The following SNX30 variants were observed in gnomAD, a reference collection of about 807,000 sequenced individuals.
SNX30 encodes sorting nexin-30.
SNX30 carries 24 observed loss-of-function variants against 46.4 expected under a neutral mutation model. The ratio of observed to expected loss-of-function variants is 0.52; its 90% CI spans 0.37 to 0.73. The LOEUF (loss-of-function observed/expected upper bound fraction) is 0.73. Ranked by LOEUF, SNX30 falls within the 30% of genes least tolerant of loss-of-function variation. The pLI, the probability that SNX30 is intolerant of heterozygous loss-of-function variation, is 0.00. For synonymous variants in SNX30, 189 were observed against 211.5 expected (o/e 0.89, Z 0.92); for missense variants, 533 against 555.7 (o/e 0.96, Z 0.41).
At chr9:112,835,649 G>A (rs539801360) in intron 4 of SNX30, among the ~76,000 whole-genome samples, 3 of 152,180 alleles carry the variant, frequency 2.0e-5, no homozygotes, top group Non-Finnish European at 4.4e-5. Flanking sequence ...GATACAATGG[G>A]TTATGAAACT....
At chr9:112,830,560 A>G (rs180688750) in intron 3 of SNX30, among the ~76,000 whole-genome samples, 165 bp from the exon 4 acceptor site, 5 of 152,188 alleles carry the variant, frequency 3.3e-5, no homozygotes, top group Non-Finnish European at 4.4e-5. Context: ...TATTTACTCC[A>G]TGTGTATTTT....
chr9:112,882,123 T>C (rs1645931439), downstream of SNX30, among the ~76,000 whole-genome samples: 2 of 152,168 alleles, frequency 1.3e-5, no homozygotes, highest in Admixed American at 1.3e-4. Context: ...TGTTTCTTTT[T>C]TGAGACAGAG....
rs200753511 is a variant in SNX30, at chr9:112,804,870, T to C, written c.251T>C (p.Ile84Thr). The part of the protein sequence containing the change: ...LLNRLQLDDD[I>T]DGETRDLFVI... Reference sequence around the variant, plus strand: ...AACAGACTTCAGCTTGATGATGATATTGATGGTGAGACTAGAGATCTCTTC... The same window carrying C: ...AACAGACTTCAGCTTGATGATGATACTGATGGTGAGACTAGAGATCTCTTC... Residue 84 changes from isoleucine to threonine, a missense_variant, in exon 2 of 9, where the codon ATT (isoleucine) becomes ACT (threonine). Ile to Thr is a moderately conservative substitution (Grantham distance 89, BLOSUM62 -1). Coordinates refer to ENST00000374232, the MANE Select transcript of SNX30 (RefSeq NM_001012994.2). 1.2e-6 allele frequency: 2 copies of C among 1,614,056 alleles called. No homozygotes were observed. The highest frequency in any genetic ancestry group is 1.3e-5 in the African/African-American group (1 of 75,040).
At chr9:112,876,734 C>G (rs1244874649), downstream of SNX30, among the ~76,000 whole-genome samples, 3 of 151,260 alleles carry the variant, frequency 2.0e-5, no homozygotes, top group Non-Finnish European at 4.4e-5. Context: ...GCCAGGAGTT[C>G]GAGACCGGCC....
At chr9:112,781,888 C>T (rs909016554) in intron 1 of SNX30, among the ~76,000 whole-genome samples, 3 of 151,670 alleles carry the variant, frequency 2.0e-5, no homozygotes, top group African/African-American at 7.3e-5. Context: ...GTGATCCACC[C>T]GCCTTATCCT....
chr9:112,790,138 T>C (rs1839996650), intron 1 of SNX30, among the ~76,000 whole-genome samples: 1 of 152,154 alleles, frequency 6.6e-6, no homozygotes, highest in Non-Finnish European at 1.5e-5. Context: ...AACTTCCTAC[T>C]AATAAGCAAG....
rs768631008 is a variant in SNX30, at chr9:112,804,767, T to C, written c.157-9T>C. ...CATTTAATTTTAAGGTGCTCTTTTCTTCTTTTAGGATCTCATTTTGCCCAA... is the reference window on the plus strand; with the variant it reads ...CATTTAATTTTAAGGTGCTCTTTTCCTCTTTTAGGATCTCATTTTGCCCAA... On this transcript the variant is annotated splice_polypyrimidine_tract_variant and intron_variant, in intron 1 of 8. Coordinates refer to ENST00000374232, the MANE Select transcript of SNX30 (RefSeq NM_001012994.2). The C allele has an allele frequency of 3.8e-6, 6 of 1,593,880 alleles. No individual in the cohort carries two copies.
At chr9:112,762,239 T>TC (rs554108395) in intron 1 of SNX30, among the ~76,000 whole-genome samples, 1 of 149,724 alleles carries the variant, frequency 6.7e-6, no homozygotes, top group Admixed American at 6.7e-5. Context: ...TGTGTGTTGG[T>TC]GGGGGGGAAG....
At chr9:112,842,856 C>T (rs1160129084) in intron 6 of SNX30, among the ~76,000 whole-genome samples, 1 of 152,196 alleles carries the variant, frequency 6.6e-6, no homozygotes, top group Non-Finnish European at 1.5e-5. Flanking sequence ...ATGAGAACAG[C>T]TTGTACTAGA....
At chr9:112,760,784 G>A (rs1839422087) in intron 1 of SNX30, among the ~76,000 whole-genome samples, 1 of 152,152 alleles carries the variant, frequency 6.6e-6, no homozygotes, top group African/African-American at 2.4e-5. Flanking sequence ...TGAAAATTGG[G>A]TTTTACCTGA....
chr9:112,839,091 G>T (rs1413656026), intron 6 of SNX30, among the ~76,000 whole-genome samples: 2 of 152,128 alleles, frequency 1.3e-5, no homozygotes, highest in Admixed American at 6.5e-5. Flanking sequence ...AACAAAAGTT[G>T]CTGGAAAATA....
chr9:112,845,738 G>C (rs988196942), intron 6 of SNX30, among the ~76,000 whole-genome samples: 35 of 152,196 alleles, frequency 2.3e-4, no homozygotes, highest in Non-Finnish European at 5.0e-4. Context: ...AACCAGGGTG[G>C]TCCCTCAATG....
At chr9:112,843,771 C>T (rs1432508229) in intron 6 of SNX30, among the ~76,000 whole-genome samples, 8 of 151,916 alleles carry the variant, frequency 5.3e-5, no homozygotes, top group African/African-American at 1.7e-4. Flanking sequence ...CGCACCACCA[C>T]GCCCGGCTAA....
At chr9:112,804,498 T>A (rs1200418438) in intron 1 of SNX30, among the ~76,000 whole-genome samples, 9 of 152,218 alleles carry the variant, frequency 5.9e-5, no homozygotes, top group Non-Finnish European at 1.5e-5. Context: ...GGGGCCATTA[T>A]GTTCTCTGCC....
intron 1 of SNX30, among the ~76,000 whole-genome samples, chr9:112,751,767 C>A (rs1045175199): frequency 6.6e-6 from 1 of 152,180 alleles, no homozygotes; most frequent in Non-Finnish European, 1.5e-5. Flanking sequence ...GACGGCCTAC[C>A]ACTCTGTTTA....
At chr9:112,817,402 T>C (rs1367752068) in intron 2 of SNX30, among the ~76,000 whole-genome samples, 1 of 28,330 alleles carries the variant, frequency 3.5e-5, no homozygotes, top group African/African-American at 9.7e-5. Flanking sequence ...AAAAACTGGC[T>C]TTTTTTTTTT....
downstream of SNX30, chr9:112,885,061 A>G (rs1217650493): frequency 1.3e-5 from 2 of 152,208 alleles, no homozygotes; most frequent in African/African-American, 4.8e-5. Context: ...GAGCTAGCTC[A>G]GTTTGCACCT....
At position 112,852,306 on chromosome 9, in the gene SNX30, G is replaced by A. The variant is rs186991225; in HGVS notation, c.1101+1361G>A. Among the ~76,000 whole-genome samples, 4 of 152,134 alleles carry A rather than the reference G, an allele frequency of 2.6e-5. No homozygotes were observed. The East Asian group carries it at 7.7e-4, about 29-fold the overall frequency. Reference sequence around the variant, plus strand: ...CATTTTGGGTTTTCAGACTGGGGACGCCCAACCTGTGTAACAATGATTTAC... The same window carrying A: ...CATTTTGGGTTTTCAGACTGGGGACACCCAACCTGTGTAACAATGATTTAC... On this transcript the variant is annotated intron_variant, in intron 7 of 8. Coordinates refer to ENST00000374232, the MANE Select transcript of SNX30 (RefSeq NM_001012994.2).
At position 112,759,886 on chromosome 9, in the gene SNX30, G is replaced by A. The variant is rs540869638; in HGVS notation, c.156+8729G>A. On this transcript the variant is annotated intron_variant, in intron 1 of 8. Transcript: ENST00000374232. ...GGATAACAGATGTGCCCATGTCACTGGGTTGATAGGAAGACCCAGCGAGTT... is the reference window on the plus strand; with the variant it reads ...GGATAACAGATGTGCCCATGTCACTAGGTTGATAGGAAGACCCAGCGAGTT... Among the ~76,000 whole-genome samples the A allele has an allele frequency of 1.0e-3, 153 of 152,294 alleles. 3 individuals carry two copies. The highest frequency in any genetic ancestry group is 3.4e-3 in the African/African-American group (143 of 41,552).
Sources: allele counts gnomAD v4.1 joint callset (sites outside exome capture counted in the v4.1 genomes callset), GRCh38; gene constraint gnomAD v4.1.1; transcripts MANE v1.5; gene names NCBI Gene and HGNC (gene_info 2026-07-23, HGNC 2026-07-21).